TENM3: variants seen among roughly 807,000 people sequenced by gnomAD.
TENM3 encodes teneurin-3.
Under a neutral mutation model 255.1 loss-of-function variants are expected in TENM3, and 63 were observed. The ratio of observed to expected loss-of-function variants is 0.25; its 90% confidence interval spans 0.20 to 0.30. The LOEUF (loss-of-function observed/expected upper bound fraction) is 0.30. Among genes scored for constraint, TENM3 ranks in the 10% least tolerant of loss-of-function variants. The probability of loss-of-function intolerance (pLI) is 1.00; values close to 1 mark genes in which losing one functional copy is unlikely to be tolerated. For missense variants in TENM3, 2,929 were observed against 3,461.1 expected (o/e 0.85, Z 3.86); for synonymous variants, 1,306 against 1,322.3 (o/e 0.99, Z 0.27).
At chr4:182,363,052 C>T (rs551466377) in intron 3 of TENM3, among the ~76,000 whole-genome samples, 15 of 152,202 alleles carry the variant, frequency 9.9e-5, no homozygotes, top group African/African-American at 2.6e-4. Context: ...TGGAACTGAG[C>T]GACCATGTCA....
chr4:181,485,140 A>G, the TENM3 span, among the ~76,000 whole-genome samples: 1 of 152,194 alleles, frequency 6.6e-6, no homozygotes, highest in African/African-American at 2.4e-5. Flanking sequence ...ATAAGTGTCA[A>G]TCATTGACAG....
At chr4:181,797,366 T>A in the TENM3 span, among the ~76,000 whole-genome samples, 34 of 152,070 alleles carry the variant, frequency 2.2e-4, no homozygotes, top group Non-Finnish European at 4.6e-4. Flanking sequence ...GGACTCCAGG[T>A]AGGGCTCCCG....
At chr4:181,477,890 C>T in the TENM3 span, among the ~76,000 whole-genome samples, 2 of 152,084 alleles carry the variant, frequency 1.3e-5, no homozygotes, top group African/African-American at 2.4e-5. Context: ...TTTGAGTGTG[C>T]AGTAAGAGAT....
At chr4:181,953,812 A>T in the TENM3 span, among the ~76,000 whole-genome samples, 794 of 152,306 alleles carry the variant, frequency 5.2e-3, 13 homozygotes, top group African/African-American at 0.018. Context: ...ATATAATAGA[A>T]TTCACCCATT....
At chr4:181,719,257 A>T in the TENM3 span, among the ~76,000 whole-genome samples, 1 of 151,210 alleles carries the variant, frequency 6.6e-6, no homozygotes, top group African/African-American at 2.4e-5. Flanking sequence ...AAATGAAAAT[A>T]TATATATATA....
chr4:182,487,142 A>ATACAAT (rs1734833171), intron 3 of TENM3, among the ~76,000 whole-genome samples: 1 of 152,160 alleles, frequency 6.6e-6, no homozygotes, highest in Admixed American at 6.5e-5. Flanking sequence ...GAGTCACCAG[A>ATACAAT]GTGTGGGATA....
At chr4:182,050,683 A>T in the TENM3 span, among the ~76,000 whole-genome samples, 201 of 152,238 alleles carry the variant, frequency 1.3e-3, 2 homozygotes, top group Middle Eastern at 0.01. Context: ...GCACACCTGT[A>T]ATCCCAACTA....
chr4:182,144,069 A>G (rs1339825689), upstream of TENM3: 2 of 152,668 alleles, frequency 1.3e-5, no homozygotes, highest in Admixed American at 1.3e-4. Context: ...CAAGTGGCGG[A>G]GCGGAGGAGT....
At chr4:182,053,311 T>C in the TENM3 span, among the ~76,000 whole-genome samples, 1 of 152,198 alleles carries the variant, frequency 6.6e-6, no homozygotes, top group African/African-American at 2.4e-5. Context: ...TTCAGCACAG[T>C]GCTTAGCGTT....
intron 3 of TENM3, among the ~76,000 whole-genome samples, chr4:182,512,907 A>G (rs895114141): frequency 5.3e-5 from 8 of 152,192 alleles, no homozygotes; most frequent in African/African-American, 1.2e-4. Context: ...TTATACGTCT[A>G]TACTGGTACT....
the TENM3 span, among the ~76,000 whole-genome samples, chr4:181,870,386 A>G: frequency 3.9e-5 from 6 of 152,288 alleles, no homozygotes; most frequent in African/African-American, 1.4e-4. Context: ...ACTGTCTAGC[A>G]GTATTTTCGG....
At chr4:181,991,224 G>A in the TENM3 span, among the ~76,000 whole-genome samples, 1 of 152,014 alleles carries the variant, frequency 6.6e-6, no homozygotes, top group Non-Finnish European at 1.5e-5. Flanking sequence ...TCTTACAAAT[G>A]AAAAAAATTG....
intron 3 of TENM3, among the ~76,000 whole-genome samples, chr4:182,369,268 G>T (rs753358795): frequency 6.6e-6 from 1 of 152,190 alleles, no homozygotes; most frequent in Non-Finnish European, 1.5e-5. Flanking sequence ...GAGATTAGTA[G>T]TATTATCTGT....
intron 3 of TENM3, among the ~76,000 whole-genome samples, chr4:182,391,421 C>G (rs1355055232): frequency 6.6e-6 from 1 of 152,158 alleles, no homozygotes; most frequent in Non-Finnish European, 1.5e-5. Context: ...TTACTGAGCG[C>G]TCATTGTGAG....
At chr4:182,719,138 A>G (rs534166012) in intron 13 of TENM3, among the ~76,000 whole-genome samples, 78 of 152,238 alleles carry the variant, frequency 5.1e-4, no homozygotes, top group African/African-American at 1.8e-3. Flanking sequence ...TGAGGGCACA[A>G]GAATGACTTT....
the TENM3 span, among the ~76,000 whole-genome samples, chr4:181,733,826 AATT>A: frequency 6.6e-6 from 1 of 152,186 alleles, no homozygotes; most frequent in Admixed American, 6.5e-5. Context: ...GTACTTGAAT[AATT>A]ATTAAGACTT....
chr4:181,844,649 CAG>C, the TENM3 span, among the ~76,000 whole-genome samples: 1 of 149,628 alleles, frequency 6.7e-6, no homozygotes, highest in Non-Finnish European at 1.5e-5. Context: ...GCCTGGGCGA[CAG>C]AGTGAGACTC....
intron 4 of TENM3, among the ~76,000 whole-genome samples, chr4:182,613,514 A>G (rs1287658125): frequency 1.3e-5 from 2 of 152,172 alleles, no homozygotes; most frequent in Non-Finnish European, 2.9e-5. Flanking sequence ...TTGTAGTCCT[A>G]TACTTTTTAC....
chr4:181,925,169 A>G, the TENM3 span, among the ~76,000 whole-genome samples: 1 of 152,198 alleles, frequency 6.6e-6, no homozygotes, highest in South Asian at 2.1e-4. Flanking sequence ...TTGTCAGCAC[A>G]CTTACATTTA....
Sources: allele counts gnomAD v4.1 joint callset (sites outside exome capture counted in the v4.1 genomes callset), GRCh38; gene constraint gnomAD v4.1.1; transcripts MANE v1.5; gene names NCBI Gene and HGNC (gene_info 2026-07-23, HGNC 2026-07-21).